PCDHAC2: variants seen among roughly 807,000 people sequenced by gnomAD.
The protein encoded by PCDHAC2 is protocadherin alpha subfamily C, 2.
Under a neutral mutation model 63.3 loss-of-function variants are expected in PCDHAC2, and 24 were observed. The ratio of observed to expected loss-of-function variants is 0.38; its 90% CI spans 0.27 to 0.53. PCDHAC2 has a LOEUF of 0.53. Ranked by LOEUF, PCDHAC2 falls within the 20% of genes least tolerant of loss-of-function variation. The pLI, the probability that PCDHAC2 is intolerant of heterozygous loss-of-function variation, is 0.81. For synonymous variants in PCDHAC2, 569 were observed against 529.4 expected (o/e 1.07, Z -1.03); for missense variants, 1,181 against 1,275.2 (o/e 0.93, Z 1.12).
At chr5:140,997,978 C>T (rs1205743045) in intron 3 of PCDHAC2, among the ~76,000 whole-genome samples, 2 of 152,182 alleles carry the variant, frequency 1.3e-5, no homozygotes, top group African/African-American at 2.4e-5. Context: ...TTGGACTGCA[C>T]TTGTTACATA....
In PCDHAC2 at chr5:141,009,850, C is replaced by A; in HGVS notation, c.2937C>A (p.Thr979=). The A allele has an allele frequency of 1.2e-6, 2 of 1,613,572 alleles. No individual in the cohort carries two copies. Among genetic ancestry groups the A allele is most frequent in the Non-Finnish European group, 1.7e-6 (2 of 1,179,906 alleles). ...DFITFGKKEE[T]KKKKKKKKGN... ...TAACCTTCGGCAAAAAGGAGGAGAC[C>A]AAGAAAAAGAAGAAAAAGAAGAAGG... The change falls in exon 4 of 4, where the codon ACC becomes ACA. Residue 979 remains threonine (T), a synonymous_variant. Coordinates refer to ENST00000289269, the MANE Select transcript of PCDHAC2 (RefSeq NM_018899.6).
intron 1 of PCDHAC2, among the ~76,000 whole-genome samples, chr5:140,975,318 C>T (rs1554236746): frequency 6.6e-6 from 1 of 152,198 alleles, no homozygotes; most frequent in Admixed American, 6.5e-5. Flanking sequence ...TTATGTCAGT[C>T]CCATCCAGAT....
chr5:141,001,489 T>C (rs2098020927), intron 3 of PCDHAC2, among the ~76,000 whole-genome samples: 3 of 152,236 alleles, frequency 2.0e-5, no homozygotes. Context: ...GTGCTGGAAA[T>C]GCTAGCCCAG....
chr5:140,979,145 G>A, intron 2 of PCDHAC2, 138 bp downstream of exon 2: 1 of 1,447,220 alleles, frequency 6.9e-7, no homozygotes, highest in Non-Finnish European at 9.1e-7. Context: ...CAATTATTTT[G>A]TCCCCATGTT....
intron 3 of PCDHAC2, among the ~76,000 whole-genome samples, chr5:140,995,400 C>T (rs2097681723): frequency 6.6e-6 from 1 of 152,062 alleles, no homozygotes; most frequent in Admixed American, 6.6e-5. Flanking sequence ...CGGGATGGCT[C>T]GAGATTTCAT....
intron 1 of PCDHAC2, among the ~76,000 whole-genome samples, chr5:140,972,609 A>G (rs1344399252): frequency 1.3e-5 from 2 of 151,526 alleles, no homozygotes; most frequent in Non-Finnish European, 2.9e-5. Flanking sequence ...TCTGAACTTG[A>G]TACTGAATGT....
rs1422637534 is a variant in PCDHAC2, at chr5:140,967,955, A to C, written c.1189A>C (p.Asn397His). 3.1e-6 allele frequency: 5 copies of C among 1,614,078 alleles called. No homozygotes were observed. Among genetic ancestry groups the C allele is most frequent in the Non-Finnish European group, 4.2e-6 (5 of 1,180,046 alleles). The stretch of plus-strand genomic sequence containing the variant: ...TGTCAATGACCAAGACTCAGGCCCC[A>C]ACCGGAAAGTGAGCCTGGGTCTGGA... Reference protein sequence around the residue: ...LSVNDQDSGPNRKVSLGLEAT... With the variant: ...LSVNDQDSGPHRKVSLGLEAT... Residue 397 changes from asparagine to histidine, a missense_variant, in exon 1 of 4, where the codon AAC becomes CAC. Physicochemically the swap from Asn to His is moderately conservative, Grantham distance 68. Coordinates refer to ENST00000289269, the MANE Select transcript of PCDHAC2 (RefSeq NM_018899.6).
intron 3 of PCDHAC2, among the ~76,000 whole-genome samples, chr5:141,001,096 A>T (rs919555319): frequency 1.3e-5 from 2 of 152,130 alleles, no homozygotes; most frequent in Admixed American, 1.3e-4. Flanking sequence ...AAACTGTCTA[A>T]TCCATAATAA....
Position 140,969,025 on chromosome 5 carries a change from T to G in PCDHAC2, c.2259T>G (p.Pro753=), listed in dbSNP as rs1554231368. Residue 753 remains proline (P), a synonymous_variant, in exon 1 of 4, where the codon CCT becomes CCG. Transcript: ENST00000289269. ...GGFCGVRERS[P]AELYKQANNN... ...TCTGTGGAGTAAGGGAAAGGTCCCC[T>G]GCAGAACTGTACAAACAAGCCAACA... The G allele has an allele frequency of 1.9e-6, 3 of 1,614,178 alleles. No individual in the cohort carries two copies. The East Asian group carries it at 6.7e-5, about 36-fold the overall frequency.
rs1020607410 is a variant in PCDHAC2 at position 140,966,763 on chromosome 5, G to C, written c.-4G>C. On this transcript the variant is annotated 5_prime_UTR_variant, in exon 1 of 4. Coordinates refer to ENST00000289269, the MANE Select transcript of PCDHAC2 (RefSeq NM_018899.6). The stretch of plus-strand genomic sequence containing the variant: ...CCCGGCTGCCTCCGCCGCGGCCAGT[G>C]GCTATGGAGCAGGCGGGCACCAGAC... The C allele has an allele frequency of 6.8e-7, 1 of 1,470,370 alleles. No individual in the cohort carries two copies. Among genetic ancestry groups the C allele is most frequent in the Non-Finnish European group, 9.0e-7 (1 of 1,113,318 alleles). 91.1% of individuals were successfully genotyped at this position (1,470,370 alleles called of 1,614,324 possible).
intron 3 of PCDHAC2, among the ~76,000 whole-genome samples, chr5:140,994,024 A>G (rs1440214596): frequency 6.6e-6 from 1 of 152,234 alleles, no homozygotes; most frequent in East Asian, 1.9e-4. Context: ...TGATGCAGAT[A>G]TAATATTAAA....
intron 3 of PCDHAC2, among the ~76,000 whole-genome samples, chr5:140,991,593 C>T (rs2097461164): frequency 6.6e-6 from 1 of 152,196 alleles, no homozygotes; most frequent in South Asian, 2.1e-4. Flanking sequence ...TCTACCTGAG[C>T]CCTCACTGGC....
At chr5:140,991,590 G>A (rs1211923014) in intron 3 of PCDHAC2, among the ~76,000 whole-genome samples, 2 of 152,098 alleles carry the variant, frequency 1.3e-5, no homozygotes, top group Non-Finnish European at 2.9e-5. Context: ...ATTTCTACCT[G>A]AGCCCTCACT....
intron 1 of PCDHAC2, among the ~76,000 whole-genome samples, chr5:140,976,828 C>G (rs935294640): frequency 6.6e-6 from 1 of 152,262 alleles, no homozygotes; most frequent in Admixed American, 6.5e-5. Flanking sequence ...GTCTAATGAG[C>G]AAAACAGATA....
At chr5:140,975,472 A>G (rs1012106018) in intron 1 of PCDHAC2, among the ~76,000 whole-genome samples, 2 of 152,250 alleles carry the variant, frequency 1.3e-5, no homozygotes, top group African/African-American at 4.8e-5. Flanking sequence ...AATTCTGCCT[A>G]TCAGTTTATA....
At chr5:140,969,468 AT>A (rs1264391543) in intron 1 of PCDHAC2, 137 bp downstream of exon 1, 1 of 1,486,422 alleles carries the variant, frequency 6.7e-7, no homozygotes, top group Non-Finnish European at 9.0e-7. Context: ...AGTATCCACA[AT>A]TTGATCATAA....
intron 3 of PCDHAC2, among the ~76,000 whole-genome samples, chr5:140,988,745 G>A (rs943188955): frequency 3.9e-5 from 6 of 152,152 alleles, no homozygotes; most frequent in Non-Finnish European, 5.9e-5. Flanking sequence ...TCTAGGATTG[G>A]TGGCCTGGGC....
rs2096011406 is a variant in PCDHAC2 at position 140,966,502 on chromosome 5, GGCA to G, written c.-254_-252del. On this transcript the variant is annotated 5_prime_UTR_variant, in exon 1 of 4. Transcript: ENST00000289269. ...TTTTCCCTCCCCCTGGAGCTGTAGCGGCAGCAGCAGCAGGAAGCCGAGCCGGGT... is the reference window on the plus strand; with the variant it reads ...TTTTCCCTCCCCCTGGAGCTGTAGCGGCAGCAGCAGGAAGCCGAGCCGGGT... The G allele has an allele frequency of 3.2e-5, 14 of 433,816 alleles. No homozygotes were observed. The highest frequency in any genetic ancestry group is 2.3e-4 in the South Asian group (3 of 12,828). 26.9% of individuals were successfully genotyped at this position (433,816 alleles called of 1,614,324 possible). A position where few individuals can be genotyped will look rare whatever the true frequency, so the allele number is the denominator to read the frequency against.
chr5:141,002,019 T>G (rs1420727822), intron 3 of PCDHAC2, among the ~76,000 whole-genome samples: 4 of 152,176 alleles, frequency 2.6e-5, no homozygotes, highest in Admixed American at 6.5e-5. Flanking sequence ...CTGCACAGCC[T>G]TCGGTGCCCT....
Sources: gnomAD v4.1 joint callset for allele counts (sites outside exome capture counted in the v4.1 genomes callset) on GRCh38, gnomAD v4.1.1 for gene constraint, MANE v1.5 for transcripts, NCBI Gene and HGNC (gene_info 2026-07-23, HGNC 2026-07-21) for gene names.